The following RBCK1 variants were observed in gnomAD, a reference collection of about 807,000 sequenced individuals.
RBCK1 encodes RANBP2-type and C3HC4-type zinc finger containing 1, also known as ranBP-type and C3HC4-type zinc finger-containing protein 1.
A neutral mutation model predicts 71.1 loss-of-function variants in RBCK1; 44 were observed. That is an observed-to-expected ratio of 0.62 (90% CI 0.49 to 0.80). The LOEUF (loss-of-function observed/expected upper bound fraction) is 0.80, where lower values mean the gene tolerates loss of function less well. RBCK1 is among the 30% of genes least tolerant of loss of function. The pLI, the probability that RBCK1 is intolerant of heterozygous loss-of-function variation, is 0.00. For missense variants in RBCK1, 569 were observed against 685.0 expected (o/e 0.83, Z 1.89); for synonymous variants, 306 against 279.7 (o/e 1.09, Z -0.94).
At chr20:419,988 G>C in intron 6 of RBCK1, 1 of 985,204 alleles carries the variant, frequency 1.0e-6, no homozygotes, top group Non-Finnish European at 1.2e-6. Context: ...ACTCCCACGT[G>C]GGCTGTGGCT....
intron 6 of RBCK1, chr20:420,338 G>A: frequency 1.0e-6 from 1 of 984,376 alleles, no homozygotes; most frequent in Middle Eastern, 5.2e-4. Flanking sequence ...ATCCCCGAGT[G>A]CTCCCCATTC....
intron 2 of RBCK1, among the ~76,000 whole-genome samples, chr20:412,971 GT>G (rs1204418703): frequency 6.6e-6 from 1 of 152,202 alleles, no homozygotes; most frequent in Admixed American, 6.5e-5. Flanking sequence ...TATATAAGGT[GT>G]GAGGTAAGGG....
chr20:430,475 A>G lies in RBCK1; in HGVS notation c.*45A>G, dbSNP rs369079371. On this transcript the variant is annotated 3_prime_UTR_variant, in exon 12 of 12. Transcript: ENST00000356286. The surrounding 1 kb of genome is among the most constrained non-coding windows in gnomAD (Gnocchi z 5.6). Reference sequence around the variant, plus strand: ...CATGCTGACCCAGCCCCACATCCACATTCTGTTAGAATGTAGCTCAGGGAG... The same window carrying G: ...CATGCTGACCCAGCCCCACATCCACGTTCTGTTAGAATGTAGCTCAGGGAG... The G allele has an allele frequency of 1.3e-6, 2 of 1,543,676 alleles. No individual in the cohort carries two copies. Among genetic ancestry groups the G allele is most frequent in the Non-Finnish European group, 1.8e-6 (2 of 1,116,376 alleles).
Position 427,617 on chromosome 20 carries a change from A to T in RBCK1, c.1209+125A>T, listed in dbSNP as rs2122326713. Reference sequence around the variant, plus strand: ...GGCCTGCTGGTCATGACTTAGAGCTACATGTCAGTGGGAGAGTGTGGCTTG... The same window carrying T: ...GGCCTGCTGGTCATGACTTAGAGCTTCATGTCAGTGGGAGAGTGTGGCTTG... On this transcript the variant is annotated intron_variant, in intron 9 of 11. Coordinates refer to ENST00000356286, the MANE Select transcript of RBCK1 (RefSeq NM_031229.4). 5 of 1,037,800 alleles carry T rather than the reference A, an allele frequency of 4.8e-6. No homozygotes were observed. The South Asian group carries it at 7.6e-5, about 16-fold the overall frequency. 64.3% of individuals were successfully genotyped at this position (1,037,800 alleles called of 1,614,324 possible).
At chr20:425,172 A>G (rs572901110) in intron 8 of RBCK1, among the ~76,000 whole-genome samples, 6 of 152,230 alleles carry the variant, frequency 3.9e-5, no homozygotes, top group South Asian at 4.1e-4. Context: ...CGCCATGCCC[A>G]GCTAATTTTT....
Position 417,853 on chromosome 20 carries a change from T to C in RBCK1, c.383T>C (p.Leu128Pro). Residue 128 changes from leucine to proline, a missense_variant, in exon 4 of 12, where the codon CTC (leucine) becomes CCC (proline). Coordinates refer to ENST00000356286, the MANE Select transcript of RBCK1 (RefSeq NM_031229.4). This position sits in a 1 kb window ranked among gnomAD's most constrained non-coding sequence, Gnocchi z 4.7. Reference protein sequence around the residue: ...GVRQNGDSAYLYLLSARNTSL... With the variant: ...GVRQNGDSAYPYLLSARNTSL... ...CGGCAGAATGGGGACAGTGCCTACC[T>C]CTATCTGCTGTCAGCCCGCAACACC... is the stretch of plus-strand genomic sequence containing the variant. 6.2e-7 allele frequency: 1 copy of C among 1,613,832 alleles called. No individual in the cohort carries two copies. The highest frequency in any genetic ancestry group is 8.5e-7 in the Non-Finnish European group (1 of 1,180,022).
chr20:416,348 G>A (rs1158383633), intron 2 of RBCK1, among the ~76,000 whole-genome samples: 1 of 151,806 alleles, frequency 6.6e-6, no homozygotes, highest in Non-Finnish European at 1.5e-5. Flanking sequence ...TTTTAGTAGA[G>A]ACGGGTTTTC....
Position 419,354 on chromosome 20 carries a change from C to T in RBCK1, c.468C>T (p.Gly156=). The T allele has an allele frequency of 6.2e-7, 1 of 1,612,084 alleles. No individual in the cohort carries two copies. The highest frequency in any genetic ancestry group is 8.5e-7 in the Non-Finnish European group (1 of 1,179,826). ...ERQLRMLEDL[G]FKDLTLQPRG... ...TTTAACCCTCCTCCACAGATCTGGG[C>T]TTCAAGGACCTCACGCTGCAGCCGC... The change falls in exon 5 of 12, where the codon GGC becomes GGT. Residue 156 remains glycine (G), a synonymous_variant. Transcript: ENST00000356286.
At chr20:414,022 T>A (rs2015854414) in intron 2 of RBCK1, among the ~76,000 whole-genome samples, 2 of 151,620 alleles carry the variant, frequency 1.3e-5, no homozygotes, top group African/African-American at 4.8e-5. Context: ...GGAGTGTGTC[T>A]AAGTTCTTGC....
chr20:417,324 C>T lies in RBCK1; in HGVS notation c.168-202C>T. On this transcript the variant is annotated intron_variant, in intron 2 of 11. Coordinates refer to ENST00000356286, the MANE Select transcript of RBCK1 (RefSeq NM_031229.4). The surrounding 1 kb of genome is among the most constrained non-coding windows in gnomAD (Gnocchi z 4.7). ...GTTGATTCTAAGAGTAGCGTGGAGCCATTGGAGGGGCCTAACTGGTGGGTT... is the reference window on the plus strand; with the variant it reads ...GTTGATTCTAAGAGTAGCGTGGAGCTATTGGAGGGGCCTAACTGGTGGGTT... The T allele has an allele frequency of 1.4e-6, 1 of 727,196 alleles. No individual in the cohort carries two copies. The allele number at this position is 727,196 out of a possible 1,614,324, so 45.0% of individuals were successfully genotyped here. A position where few individuals can be genotyped will look rare whatever the true frequency, so the allele number is the denominator to read the frequency against.
At position 418,582 on chromosome 20, in the gene RBCK1, A is replaced by C. The variant is rs142679585; in HGVS notation, c.460+652A>C. 5.8e-3 allele frequency among the ~76,000 whole-genome samples: 876 copies of C among 152,066 alleles called. 5 individuals carry two copies. The highest frequency in any genetic ancestry group is 8.6e-3 in the Non-Finnish European group (586 of 67,940). ...ACGGGGTTTCACCGTGTTAGCCAGGATGGTCTCGATCTCCTGACTTTGTGA... is the reference window on the plus strand; with the variant it reads ...ACGGGGTTTCACCGTGTTAGCCAGGCTGGTCTCGATCTCCTGACTTTGTGA... On this transcript the variant is annotated intron_variant, in intron 4 of 11. Transcript: ENST00000356286.
intron 2 of RBCK1, among the ~76,000 whole-genome samples, chr20:412,863 C>T (rs1299213742): frequency 1.3e-5 from 2 of 152,186 alleles, no homozygotes; most frequent in Non-Finnish European, 2.9e-5. Flanking sequence ...ATCGTTGCCT[C>T]ATCCAAGGTC....
chr20:424,609 T>C (rs1295323049), intron 8 of RBCK1, among the ~76,000 whole-genome samples: 2 of 152,172 alleles, frequency 1.3e-5, no homozygotes, highest in Non-Finnish European at 2.9e-5. Context: ...CTCTGTTGTC[T>C]CTGGGTGGTT....
chr20:424,456 G>A (rs1240593685), intron 8 of RBCK1, among the ~76,000 whole-genome samples: 1 of 152,112 alleles, frequency 6.6e-6, no homozygotes, highest in Admixed American at 6.6e-5. Context: ...TCTCTCCTAT[G>A]CCCCTATTTC....
At position 410,035 on chromosome 20, in the gene RBCK1, G is replaced by A. The variant is rs1260811506; in HGVS notation, c.167+10G>A. The A allele has an allele frequency of 1.2e-6, 2 of 1,612,076 alleles. No individual in the cohort carries two copies. The highest frequency in any genetic ancestry group is 1.7e-5 in the Admixed American group (1 of 59,836). Reference sequence around the variant, plus strand: ...CAACGCAGGACATCAGGTGAGGAGTGCATGGCTGGCCTGAACCCAAGGGAC... The same window carrying A: ...CAACGCAGGACATCAGGTGAGGAGTACATGGCTGGCCTGAACCCAAGGGAC... On this transcript the variant is annotated intron_variant, in intron 2 of 11. Coordinates refer to ENST00000356286, the MANE Select transcript of RBCK1 (RefSeq NM_031229.4).
intron 2 of RBCK1, among the ~76,000 whole-genome samples, chr20:416,694 C>T (rs754061330): frequency 1.3e-5 from 2 of 152,146 alleles, no homozygotes; most frequent in Non-Finnish European, 2.9e-5. Flanking sequence ...GGAATAATAC[C>T]ATGTAGATTT....
chr20:423,668 G>A lies in RBCK1; in HGVS notation c.1029+1430G>A, dbSNP rs191446465. On this transcript the variant is annotated intron_variant, in intron 8 of 11. Transcript: ENST00000356286. Reference sequence around the variant, plus strand: ...GCAAATACTGCACTATTTTATATAAGGGGTTTGAGCATCCATGGATTTGGG... The same window carrying A: ...GCAAATACTGCACTATTTTATATAAAGGGTTTGAGCATCCATGGATTTGGG... 1.3e-3 allele frequency among the ~76,000 whole-genome samples: 197 copies of A among 152,298 alleles called. 1 individual carries two copies. The highest frequency in any genetic ancestry group is 2.4e-3 in the Non-Finnish European group (166 of 68,034).
chr20:417,722 C>T lies in RBCK1; in HGVS notation c.262-10C>T. On this transcript the variant is annotated splice_polypyrimidine_tract_variant and intron_variant, in intron 3 of 11. Transcript: ENST00000356286. This position sits in a 1 kb window ranked among gnomAD's most constrained non-coding sequence, Gnocchi z 4.7. ...TCCCTTCCCACTCTCCCTCTCTTTG[C>T]CCCCACCAGGTTTTTCTGGACTATG... 3 of 1,609,626 alleles carry T rather than the reference C, an allele frequency of 1.9e-6. No homozygotes were observed. Among genetic ancestry groups the T allele is most frequent in the Non-Finnish European group, 1.7e-6 (2 of 1,176,230 alleles).
chr20:417,791 G>A lies in RBCK1; in HGVS notation c.321G>A (p.Leu107=). 6.2e-7 allele frequency: 1 copy of A among 1,614,066 alleles called. No individual in the cohort carries two copies. ...VLQQWVIGQR[L]ARDQETLHSH... ...AGCAGTGGGTGATTGGGCAGCGGCT[G>A]GCACGAGACCAGGAGACCCTGCACT... is the stretch of plus-strand genomic sequence containing the variant. The change falls in exon 4 of 12, where the codon CTG becomes CTA. Residue 107 remains leucine, a synonymous_variant. Coordinates refer to ENST00000356286, the MANE Select transcript of RBCK1 (RefSeq NM_031229.4). The surrounding 1 kb of genome is among the most constrained non-coding windows in gnomAD (Gnocchi z 4.7).
Sources: gnomAD v4.1 joint callset for allele counts (sites outside exome capture counted in the v4.1 genomes callset) on GRCh38, gnomAD v4.1.1 for gene constraint, Gnocchi (gnomAD v3.1) non-coding constraint, MANE v1.5 for transcripts, NCBI Gene and HGNC (gene_info 2026-07-23, HGNC 2026-07-21) for gene names.